Variants in CNTN4 observed in about 807,000 individuals in gnomAD.
CNTN4 encodes the protein contactin-4.
Under a neutral mutation model 122.5 loss-of-function variants are expected in CNTN4, and 77 were observed. The observed-to-expected ratio is 0.63, with a 90% CI of 0.52 to 0.76. The LOEUF (loss-of-function observed/expected upper bound fraction) is 0.76. CNTN4 is among the 30% of genes least tolerant of loss of function. The probability of loss-of-function intolerance (pLI) is 0.00; values close to 1 mark genes in which losing one functional copy is unlikely to be tolerated. For synonymous variants in CNTN4, 512 were observed against 447.0 expected, an observed-to-expected ratio of 1.15 and a Z score of -1.83; for missense variants, 1,256 against 1,259.1, an observed-to-expected ratio of 1.00 and a Z score of 0.04.
At chr3:2,660,142 AG>A (rs1277632028) in intron 4 of CNTN4, among the ~76,000 whole-genome samples, 12 of 152,332 alleles carry the variant, frequency 7.9e-5, no homozygotes, top group African/African-American at 2.6e-4. Flanking sequence ...TTCATTTGAA[AG>A]CATCCAACAT....
At chr3:2,653,313 A>G (rs1248475217) in intron 4 of CNTN4, among the ~76,000 whole-genome samples, 4 of 152,132 alleles carry the variant, frequency 2.6e-5, no homozygotes, top group African/African-American at 9.7e-5. Flanking sequence ...TTAAACTACT[A>G]GTTTCTTAAG....
At chr3:2,210,980 G>C (rs1319514339) in intron 2 of CNTN4, among the ~76,000 whole-genome samples, 1 of 152,150 alleles carries the variant, frequency 6.6e-6, no homozygotes, top group East Asian at 1.9e-4. Flanking sequence ...ATCACGCAGT[G>C]TGTATTAGGC....
At chr3:2,204,675 G>T (rs1451521396) in intron 2 of CNTN4, among the ~76,000 whole-genome samples, 6 of 150,978 alleles carry the variant, frequency 4.0e-5, no homozygotes, top group Non-Finnish European at 7.4e-5. Context: ...GTTAATTTTT[G>T]TTTTTTTTTA....
chr3:2,521,343 T>TCGGCCCCCCCCCCCCCCCCCCCCCCCCCC (rs781282977), intron 3 of CNTN4, among the ~76,000 whole-genome samples: 1 of 128,308 alleles, frequency 7.8e-6, no homozygotes, highest in African/African-American at 3.1e-5. Context: ...CCTCTACCCA[T>TCGGCCCCCCCCCCCCCCCCCCCCCCCCCC]CCCCCCCACC....
At chr3:2,202,607 C>G (rs1481082413) in intron 2 of CNTN4, among the ~76,000 whole-genome samples, 1 of 152,032 alleles carries the variant, frequency 6.6e-6, no homozygotes, top group East Asian at 1.9e-4. Flanking sequence ...AATTCATTCC[C>G]TTCACTTTGC....
At chr3:2,842,458 T>G (rs1442362018) in intron 7 of CNTN4, among the ~76,000 whole-genome samples, 1 of 152,178 alleles carries the variant, frequency 6.6e-6, no homozygotes, top group Non-Finnish European at 1.5e-5. Flanking sequence ...ATACATTTTC[T>G]TTCCCTGCTA....
intron 14 of CNTN4, among the ~76,000 whole-genome samples, chr3:3,022,920 T>A (rs940488028): frequency 3.9e-5 from 6 of 152,152 alleles, no homozygotes; most frequent in Non-Finnish European, 8.8e-5. Context: ...GTTCACATCT[T>A]CAGTTCTAAT....
At chr3:2,585,714 G>C (rs754588968) in intron 4 of CNTN4, among the ~76,000 whole-genome samples, 1 of 151,170 alleles carries the variant, frequency 6.6e-6, no homozygotes, top group Non-Finnish European at 1.5e-5. Context: ...GGTAGGGATA[G>C]CATTAGGAGA....
intron 7 of CNTN4, among the ~76,000 whole-genome samples, chr3:2,865,718 G>A (rs1197526548): frequency 6.6e-6 from 1 of 152,206 alleles, no homozygotes; most frequent in Non-Finnish European, 1.5e-5. Flanking sequence ...AGCTGAAGCA[G>A]TTTGATTTCC....
chr3:2,318,720 C>T (rs757207918), intron 2 of CNTN4, among the ~76,000 whole-genome samples: 18 of 152,142 alleles, frequency 1.2e-4, no homozygotes, highest in Non-Finnish European at 2.1e-4. Flanking sequence ...GCTCACTCCA[C>T]CCTCCACCTC....
intron 3 of CNTN4, among the ~76,000 whole-genome samples, chr3:2,446,663 A>G (rs900439937): frequency 6.6e-6 from 1 of 152,200 alleles, no homozygotes; most frequent in Admixed American, 6.5e-5. Flanking sequence ...CTCCTGCTAT[A>G]AATAAACACA....
chr3:2,381,183 T>C (rs893093108), intron 3 of CNTN4, among the ~76,000 whole-genome samples: 10 of 151,814 alleles, frequency 6.6e-5, no homozygotes, highest in Admixed American at 5.9e-4. Flanking sequence ...TTTTTTTGTA[T>C]TTTTAGTAGA....
In CNTN4 at chr3:2,468,068, G is replaced by C. The variant is rs9835862; in HGVS notation, c.-88-103348G>C. 2.3e-3 allele frequency among the ~76,000 whole-genome samples: 357 copies of C among 152,270 alleles called. 2 individuals are homozygous for C. Among genetic ancestry groups the C allele is most frequent in the African/African-American group, 8.2e-3 (341 of 41,550 alleles). ...ATTTTACTCGACCATGCTGCTCCTA[G>C]TGAATTGAGTCCCTTCTTTGTTAAG... On this transcript the variant is annotated intron_variant, in intron 3 of 24. Transcript: ENST00000418658.
intron 2 of CNTN4, among the ~76,000 whole-genome samples, chr3:2,274,216 C>G (rs2041411074): frequency 6.6e-6 from 1 of 152,052 alleles, no homozygotes; most frequent in African/African-American, 2.4e-5. Context: ...AAACCTGTCT[C>G]TACTAAAAAT....
intron 2 of CNTN4, among the ~76,000 whole-genome samples, chr3:2,155,396 G>A (rs1389099855): frequency 6.6e-6 from 1 of 152,136 alleles, no homozygotes; most frequent in Non-Finnish European, 1.5e-5. Flanking sequence ...TGGTGAGATC[G>A]GAGACATTGG....
At position 2,246,435 on chromosome 3, in the gene CNTN4, A is replaced by C. The variant is rs371219182; in HGVS notation, c.-144-92743A>C. 1.3e-3 allele frequency among the ~76,000 whole-genome samples: 200 copies of C among 152,154 alleles called. 1 individual carries two copies. Among genetic ancestry groups the C allele is most frequent in the African/African-American group, 4.7e-3 (194 of 41,558 alleles). On this transcript the variant is annotated intron_variant, in intron 2 of 24. Coordinates refer to ENST00000418658, the MANE Select transcript of CNTN4 (RefSeq NM_175607.3). Reference sequence around the variant, plus strand: ...ATCATATTACATTTTTTTGAGTAATAAAATTGCTGTGTTTAACATTTGCCT... The same window carrying C: ...ATCATATTACATTTTTTTGAGTAATCAAATTGCTGTGTTTAACATTTGCCT...
intron 3 of CNTN4, among the ~76,000 whole-genome samples, chr3:2,359,706 A>AT (rs2045039985): frequency 6.6e-6 from 1 of 151,916 alleles, no homozygotes; most frequent in Non-Finnish European, 1.5e-5. Context: ...CGCCCTGCTA[A>AT]TTTTTTGTAT....
intron 3 of CNTN4, among the ~76,000 whole-genome samples, chr3:2,393,145 T>TA (rs944466668): frequency 6.6e-6 from 1 of 152,210 alleles, no homozygotes; most frequent in Non-Finnish European, 1.5e-5. Flanking sequence ...TTCCTTGGGT[T>TA]ACAGCTTGTT....
intron 3 of CNTN4, among the ~76,000 whole-genome samples, chr3:2,397,579 A>G (rs1227256774): frequency 6.6e-6 from 1 of 152,098 alleles, no homozygotes; most frequent in African/African-American, 2.4e-5. Flanking sequence ...AGACTACAGT[A>G]TGCAGCTAAT....
Sources: gnomAD v4.1 joint callset for allele counts (sites outside exome capture counted in the v4.1 genomes callset) on GRCh38, gnomAD v4.1.1 for gene constraint, MANE v1.5 for transcripts, NCBI Gene and HGNC (gene_info 2026-07-23, HGNC 2026-07-21) for gene names.